Variants in DRC12 observed in about 807,000 individuals in gnomAD.
DRC12 encodes dynein regulatory complex protein 12.
the DRC12 span, chr11:119,190,732 G>A: frequency 1.2e-5 from 19 of 1,613,912 alleles, no homozygotes; most frequent in Admixed American, 3.3e-5. The surrounding 1 kb of genome is among the most constrained non-coding windows in gnomAD (Gnocchi z 4.2). Flanking sequence ...CTCATACTTC[G>A]CCTCCATGTC....
At chr11:119,193,226 G>A in the DRC12 span, 2 of 1,614,092 alleles carry the variant, frequency 1.2e-6, no homozygotes, top group African/African-American at 1.3e-5. Flanking sequence ...TGCAGGGCAT[G>A]GCACTGGCGA....
chr11:119,190,792 G>A, the DRC12 span: 2 of 1,614,060 alleles, frequency 1.2e-6, no homozygotes, highest in Non-Finnish European at 1.7e-6. The surrounding 1 kb of genome is among the most constrained non-coding windows in gnomAD (Gnocchi z 4.2). Flanking sequence ...CTCTCCGAGA[G>A]CTTGTTCAGC....
At chr11:119,193,886 C>A in the DRC12 span, 1 of 1,551,294 alleles carries the variant, frequency 6.4e-7, no homozygotes. Flanking sequence ...CTCCGTAGAG[C>A]TGTGAGCAGT....
At chr11:119,193,856 TGGCTCGACG>T in the DRC12 span, 1 of 1,551,554 alleles carries the variant, frequency 6.4e-7, no homozygotes, top group East Asian at 2.4e-5. Context: ...TCGGAAGCCT[TGGCTCGACG>T]GGCTTCATCC....
At chr11:119,190,959 C>T in the DRC12 span, 5 of 1,215,528 alleles carry the variant, frequency 4.1e-6, no homozygotes, top group African/African-American at 3.0e-5. The surrounding 1 kb of genome is among the most constrained non-coding windows in gnomAD (Gnocchi z 4.2). Flanking sequence ...CCCAGCATCA[C>T]CAAATTTCCC....
the DRC12 span, chr11:119,195,138 G>A: frequency 2.3e-5 from 16 of 694,686 alleles, no homozygotes; most frequent in East Asian, 5.4e-5. Context: ...AGAGTCTACT[G>A]AAGTCAGCAC....
At chr11:119,192,139 CTAA>C in the DRC12 span, among the ~76,000 whole-genome samples, 52 of 152,084 alleles carry the variant, frequency 3.4e-4, no homozygotes, top group Non-Finnish European at 1.0e-4. Flanking sequence ...CCATGCTCAG[CTAA>C]TTTTTGTAAT....
At chr11:119,191,777 A>C in the DRC12 span, among the ~76,000 whole-genome samples, 1 of 152,054 alleles carries the variant, frequency 6.6e-6, no homozygotes, top group Non-Finnish European at 1.5e-5. Flanking sequence ...ATTGCACTCC[A>C]GAATGAGCGA....
At chr11:119,194,396 C>T in the DRC12 span, among the ~76,000 whole-genome samples, 1 of 151,588 alleles carries the variant, frequency 6.6e-6, no homozygotes, top group Non-Finnish European at 1.5e-5. Flanking sequence ...TGCCTGTAAT[C>T]CCAGCTACTC....
the DRC12 span, among the ~76,000 whole-genome samples, chr11:119,192,918 T>G: frequency 6.6e-6 from 1 of 152,230 alleles, no homozygotes; most frequent in East Asian, 1.9e-4. Flanking sequence ...AGTGCTGGGA[T>G]TACAGGCCTG....
At chr11:119,195,600 T>C in the DRC12 span, 10 of 807,406 alleles carry the variant, frequency 1.2e-5, no homozygotes, top group Non-Finnish European at 1.8e-5. Context: ...AATTTGTCTC[T>C]CATATCCTTC....
At chr11:119,193,967 CCTCT>C in the DRC12 span, 3 of 1,419,352 alleles carry the variant, frequency 2.1e-6, no homozygotes, top group Non-Finnish European at 2.9e-6. Flanking sequence ...ACTTTGCCCA[CCTCT>C]AGAAATCTGG....
At chr11:119,190,393 T>G in the DRC12 span, 2 of 1,613,846 alleles carry the variant, frequency 1.2e-6, no homozygotes, top group Non-Finnish European at 1.7e-6. This position sits in a 1 kb window ranked among gnomAD's most constrained non-coding sequence, Gnocchi z 4.2. Context: ...GTCTCAGTGC[T>G]GCCCCATCCC....
chr11:119,193,715 G>T, the DRC12 span: 1 of 1,544,340 alleles, frequency 6.5e-7, no homozygotes, highest in Non-Finnish European at 8.8e-7. Flanking sequence ...CCTGTTGGTT[G>T]TCCTCCTCCA....
chr11:119,194,477 G>GACT, the DRC12 span, among the ~76,000 whole-genome samples: 1 of 117,490 alleles, frequency 8.5e-6, no homozygotes, highest in African/African-American at 3.3e-5. Context: ...TCACACCACT[G>GACT]CACTCCAGCC....
At chr11:119,193,885 G>A in the DRC12 span, 1 of 1,551,280 alleles carries the variant, frequency 6.4e-7, no homozygotes, top group Non-Finnish European at 8.7e-7. Flanking sequence ...CCTCCGTAGA[G>A]CTGTGAGCAG....
the DRC12 span, chr11:119,195,149 C>T: frequency 1.7e-5 from 11 of 656,624 alleles, no homozygotes; most frequent in African/African-American, 3.6e-5. Context: ...AAGTCAGCAC[C>T]GTGTCCTCAC....
At chr11:119,191,165 T>C in the DRC12 span, among the ~76,000 whole-genome samples, 1 of 151,548 alleles carries the variant, frequency 6.6e-6, no homozygotes, top group African/African-American at 2.4e-5. Flanking sequence ...AGTGGCGCGA[T>C]CTCAGCTCAC....
At chr11:119,193,904 C>A in the DRC12 span, 2 of 1,550,260 alleles carry the variant, frequency 1.3e-6, no homozygotes, top group Non-Finnish European at 1.7e-6. Flanking sequence ...AGTCCCAGAG[C>A]CGCCGTCAGG....
Sources: allele counts gnomAD v4.1 joint callset (sites outside exome capture counted in the v4.1 genomes callset), GRCh38; gene constraint gnomAD v4.1.1; non-coding constraint Gnocchi (gnomAD v3.1); transcripts MANE v1.5; gene names NCBI Gene and HGNC (gene_info 2026-07-23, HGNC 2026-07-21).